TESC: variants seen among roughly 807,000 people sequenced by gnomAD.
TESC encodes the protein calcineurin B homologous protein 3.
TESC carries 19 observed loss-of-function variants against 31.0 expected under a neutral mutation model. The observed-to-expected ratio is 0.61, with a 90% CI of 0.43 to 0.90. TESC has a LOEUF of 0.90. TESC is among the 40% of genes least tolerant of loss of function. The probability of loss-of-function intolerance (pLI) is 0.00; values close to 1 mark genes in which losing one functional copy is unlikely to be tolerated. For missense variants in TESC, 248 were observed against 303.8 expected (o/e 0.82, Z 1.36); for synonymous variants, 109 against 114.8 (o/e 0.95, Z 0.32).
Position 117,046,615 on chromosome 12 carries a change from G to A in TESC, c.463C>T (p.Arg155Cys), listed in dbSNP as rs1037089879. ...GNPHIEKESA[R>C]SIADGAMMEA... ...ATCATGGCCCCGTCGGCGATGGAGC[G>A]AGCGGACTCCTTCTCGATGTGAGGG... The change falls in exon 6 of 8, where the codon CGC becomes TGC. Residue 155 changes from arginine (R) to cysteine (C), a missense_variant. Arg to Cys is a radical substitution (Grantham distance 180). Coordinates refer to ENST00000335209, the MANE Select transcript of TESC (RefSeq NM_017899.4). 27 of 1,551,452 alleles carry A rather than the reference G, an allele frequency of 1.7e-5. No individual in the cohort carries two copies. Among genetic ancestry groups the A allele is most frequent in the South Asian group, 5.9e-5 (5 of 84,066 alleles).
At chr12:117,054,601 C>G (rs1954694996) in intron 3 of TESC, among the ~76,000 whole-genome samples, 1 of 152,140 alleles carries the variant, frequency 6.6e-6, no homozygotes, top group Non-Finnish European at 1.5e-5. Flanking sequence ...GAGGAAGGCC[C>G]CTGCAACTCC....
At chr12:117,064,639 A>G (rs1954848525) in intron 2 of TESC, among the ~76,000 whole-genome samples, 1 of 152,248 alleles carries the variant, frequency 6.6e-6, no homozygotes, top group South Asian at 2.1e-4. Context: ...GATGGGAAAT[A>G]GAGTATCTCA....
rs556430558 is a variant in TESC at position 117,038,974 on chromosome 12, C to T, written c.*159G>A. The T allele has an allele frequency of 1.5e-5, 10 of 662,024 alleles. No homozygotes were observed. Among genetic ancestry groups the T allele is most frequent in the East Asian group, 2.8e-5 (1 of 35,976 alleles). The allele number at this position is 662,024 out of a possible 1,614,324, so 41.0% of individuals were successfully genotyped here. On this transcript the variant is annotated 3_prime_UTR_variant, in exon 8 of 8. Coordinates refer to ENST00000335209, the MANE Select transcript of TESC (RefSeq NM_017899.4). The stretch of plus-strand genomic sequence containing the variant: ...TTATTGGAGATAAAAACAGCGAAGT[C>T]CCACATACCATACCCTACAAGACAC...
intron 3 of TESC, 97 bp from the exon 4 acceptor site, chr12:117,049,255 A>C: frequency 6.5e-7 from 1 of 1,542,814 alleles, no homozygotes. Context: ...CTCAGGGTGC[A>C]CACTGGACCC....
At chr12:117,046,489 G>C (rs1954560810) in intron 6 of TESC, 70 bp downstream of exon 6, 2 of 1,443,704 alleles carry the variant, frequency 1.4e-6, no homozygotes, top group South Asian at 2.7e-5. Flanking sequence ...GCCCCATGAG[G>C]CCTTCCAGAA....
chr12:117,093,946 G>A (rs1372647431), intron 1 of TESC, among the ~76,000 whole-genome samples: 1 of 152,032 alleles, frequency 6.6e-6, no homozygotes, highest in Admixed American at 6.6e-5. Context: ...CACGGATGGG[G>A]GGGACAGGAA....
chr12:117,051,439 A>C (rs1049007585), intron 3 of TESC, among the ~76,000 whole-genome samples: 7 of 152,128 alleles, frequency 4.6e-5, no homozygotes, highest in Non-Finnish European at 7.4e-5. Context: ...GGGCTCAGGA[A>C]GCCCCATCTT....
chr12:117,097,871 G>C (rs562195561), intron 1 of TESC, among the ~76,000 whole-genome samples: 7 of 151,686 alleles, frequency 4.6e-5, no homozygotes, highest in African/African-American at 1.7e-4. Flanking sequence ...TTTTTACTTT[G>C]CGGCTCCAGC....
At chr12:117,054,198 G>A (rs187746436) in intron 3 of TESC, among the ~76,000 whole-genome samples, 1 of 152,032 alleles carries the variant, frequency 6.6e-6, no homozygotes, top group Non-Finnish European at 1.5e-5. Flanking sequence ...GGGCACCCCT[G>A]ACCCAAGCCC....
At chr12:117,049,471 G>GCA (rs1954616039) in intron 3 of TESC, among the ~76,000 whole-genome samples, 1 of 152,216 alleles carries the variant, frequency 6.6e-6, no homozygotes, top group African/African-American at 2.4e-5. Flanking sequence ...ACACAGGCCA[G>GCA]CACTTATGAA....
At chr12:117,044,933 G>A (rs560792441) in intron 6 of TESC, among the ~76,000 whole-genome samples, 6 of 152,158 alleles carry the variant, frequency 3.9e-5, no homozygotes, top group South Asian at 4.2e-4. Context: ...AGACAGATCC[G>A]CCTCAGTCAA....
chr12:117,065,486 C>CT (rs1045655964), intron 2 of TESC, among the ~76,000 whole-genome samples: 8 of 152,086 alleles, frequency 5.3e-5, no homozygotes, highest in African/African-American at 1.9e-4. Context: ...TGAGGAGGTG[C>CT]TTGCTTTGAA....
chr12:117,047,352 T>C (rs1224713297), intron 4 of TESC, among the ~76,000 whole-genome samples: 1 of 151,536 alleles, frequency 6.6e-6, no homozygotes, highest in African/African-American at 2.4e-5. Context: ...GGAGGGGGCC[T>C]CTCCATGTTG....
intron 6 of TESC, among the ~76,000 whole-genome samples, chr12:117,043,877 C>G (rs763689640): frequency 2.0e-4 from 31 of 152,164 alleles, no homozygotes; most frequent in Non-Finnish European, 4.3e-4. Context: ...CTGGGAGCAT[C>G]TAGCTGCCTC....
intron 1 of TESC, among the ~76,000 whole-genome samples, chr12:117,091,381 A>G (rs1955304980): frequency 6.6e-6 from 1 of 152,026 alleles, no homozygotes; most frequent in Non-Finnish European, 1.5e-5. Context: ...TCTTATCAAC[A>G]CCCAGGTTAT....
At chr12:117,099,086 G>T in intron 1 of TESC, 139 bp downstream of exon 1, 2 of 905,686 alleles carry the variant, frequency 2.2e-6, no homozygotes, top group Non-Finnish European at 3.0e-6. Flanking sequence ...GGACCCATTT[G>T]AAAGAGGAGG....
intron 7 of TESC, among the ~76,000 whole-genome samples, chr12:117,040,435 G>A (rs1162816478): frequency 3.3e-5 from 5 of 152,200 alleles, no homozygotes; most frequent in Non-Finnish European, 5.9e-5. Flanking sequence ...GGAGCACTAG[G>A]GGCCTGGCAG....
At chr12:117,042,653 G>A (rs968041718) in intron 6 of TESC, among the ~76,000 whole-genome samples, 11 of 152,162 alleles carry the variant, frequency 7.2e-5, no homozygotes, top group Non-Finnish European at 1.5e-4. Flanking sequence ...TCGCCTCTGC[G>A]TCCTCCCTGC....
intron 1 of TESC, among the ~76,000 whole-genome samples, chr12:117,096,875 G>A (rs368125608): frequency 2.4e-4 from 36 of 152,206 alleles, no homozygotes; most frequent in South Asian, 1.2e-3. Context: ...CCCTCGGCCC[G>A]AGATGCCCTT....
Sources: gnomAD v4.1 joint callset for allele counts (sites outside exome capture counted in the v4.1 genomes callset) on GRCh38, gnomAD v4.1.1 for gene constraint, MANE v1.5 for transcripts, NCBI Gene and HGNC (gene_info 2026-07-23, HGNC 2026-07-21) for gene names.